Variants in PAGE3 observed in about 807,000 individuals in gnomAD.
PAGE3 encodes the protein PAGE family member 3.
A neutral mutation model predicts 3.8 loss-of-function variants in PAGE3; 9 were observed. The observed-to-expected ratio is 2.36, with a 90% CI of 1.42 to 4.12. PAGE3 has a LOEUF of 4.12. Among genes scored for constraint, PAGE3 ranks in the 30% most tolerant of loss-of-function variants. PAGE3 has a pLI of 0.00. For missense variants in PAGE3, 73 were observed against 37.8 expected (o/e 1.93, Z -2.44); for synonymous variants, 24 against 13.1 (o/e 1.83, Z -1.79).
intron 3 of PAGE3, among the ~76,000 whole-genome samples, chrX:55,262,842 T>C (rs182401641): frequency 0.025 from 2,668 of 106,091 alleles, 92 homozygotes; most frequent in African/African-American, 0.085. Context: ...ATATATAATA[T>C]ATATATGTGA....
intron 2 of PAGE3, 121 bp downstream of exon 2, chrX:55,263,699 C>A: frequency 2.3e-6 from 1 of 432,311 alleles, no homozygotes; most frequent in Non-Finnish European, 4.0e-6. Context: ...GTTTACTTCA[C>A]GAGATTCAAT....
chrX:55,263,790 A>G (rs1938341286), intron 2 of PAGE3, 30 bp downstream of exon 2: 2 of 546,969 alleles, frequency 3.7e-6, no homozygotes, highest in South Asian at 2.5e-5. Flanking sequence ...TAAGTTTCTA[A>G]TAGAAAATAT....
Position 55,263,843 on chromosome X carries a change from TA to T in PAGE3, c.60del (p.Asn21IlefsTer4). On this transcript the variant is annotated frameshift_variant, in exon 2 of 5. Transcript: ENST00000374951. LOFTEE classifies it high-confidence loss of function. ...ACAACCACAGCCCCTACTGGATGAT[TA>T]GAGTCTTGATCATCTCTTCTTTCTC... Reference protein sequence around the residue: ...RSRERRDDQDSNHPVGAVVAQ... With the variant: ...RSRERRDDQDXNHPVGAVVAQ... 1.8e-6 allele frequency: 1 copy of T among 569,354 alleles called. No individual in the cohort carries two copies. The highest frequency in any genetic ancestry group is 2.3e-5 in the South Asian group (1 of 44,366). 46.9% of individuals were successfully genotyped at this position (569,354 alleles called of 1,213,427 possible).
chrX:55,258,513 G>T lies in PAGE3; in HGVS notation c.335C>A (p.Ser112Ter). 5.3e-6 allele frequency: 3 copies of T among 564,126 alleles called. No individual in the cohort carries two copies. The highest frequency in any genetic ancestry group is 9.8e-6 in the Non-Finnish European group (3 of 306,787). 46.5% of individuals were successfully genotyped at this position (564,126 alleles called of 1,213,427 possible). Residue 112 changes from serine (S) to a stop codon, truncating the protein, a stop_gained, in exon 5 of 5, where the codon TCG becomes TAG. Coordinates refer to ENST00000374951, the MANE Select transcript of PAGE3 (RefSeq NM_001017931.3). LOFTEE classifies it high-confidence loss of function. ...KIPEAGEGQP[S>*]V The stretch of plus-strand genomic sequence containing the variant: ...GTTTCAGCTTGTCTTCATTTAAACC[G>T]ATGGTTGCCCTTCACCTATAAGATA...
chrX:55,263,995 A>G (rs1938345665), intron 1 of PAGE3, 84 bp from the exon 2 acceptor site: 1 of 458,251 alleles, frequency 2.2e-6, no homozygotes, highest in Non-Finnish European at 3.8e-6. Context: ...GAAAGCATGC[A>G]AGCTCACGAT....
At chrX:55,264,146 TGA>T (rs1938348321) in intron 1 of PAGE3, among the ~76,000 whole-genome samples, 1 of 111,511 alleles carries the variant, frequency 9.0e-6, no homozygotes, top group Admixed American at 9.6e-5. Flanking sequence ...GACTTCTCTG[TGA>T]GTTTTGGTTT....
chrX:55,262,490 T>C (rs1243005600), intron 3 of PAGE3, among the ~76,000 whole-genome samples: 1 of 110,476 alleles, frequency 9.1e-6, no homozygotes, highest in Non-Finnish European at 1.9e-5. Flanking sequence ...AGTATAGACA[T>C]TTTAGTATTA....
intron 3 of PAGE3, among the ~76,000 whole-genome samples, chrX:55,262,703 G>GATATATATAT (rs10534339): frequency 1.1e-5 from 1 of 91,075 alleles, no homozygotes; most frequent in African/African-American, 4.2e-5. Flanking sequence ...TGTTACATAT[G>GATATATATAT]ATATATATAT....
intron 4 of PAGE3, among the ~76,000 whole-genome samples, chrX:55,259,524 T>G (rs1938249267): frequency 9.0e-6 from 1 of 111,084 alleles, no homozygotes; most frequent in African/African-American, 3.2e-5. Flanking sequence ...TGTATCCACT[T>G]TTAATTATAT....
chrX:55,260,001 A>C (rs1938259380), intron 4 of PAGE3, among the ~76,000 whole-genome samples: 1 of 111,606 alleles, frequency 9.0e-6, no homozygotes, highest in South Asian at 3.7e-4. Flanking sequence ...AAGCTCATAT[A>C]ACTAATGCCT....
Position 55,263,662 on chromosome X carries a change from C to A in PAGE3, c.84+158G>T, listed in dbSNP as rs1032125168. ...TATAAAAACATAGCCATCCAGGCAACATTAGAATGCAAACATCCAAATCTA... is the reference window on the plus strand; with the variant it reads ...TATAAAAACATAGCCATCCAGGCAAAATTAGAATGCAAACATCCAAATCTA... On this transcript the variant is annotated intron_variant, in intron 2 of 4. Coordinates refer to ENST00000374951, the MANE Select transcript of PAGE3 (RefSeq NM_001017931.3). Among the ~76,000 whole-genome samples the A allele has an allele frequency of 2.7e-5, 3 of 111,976 alleles. No homozygotes were observed. In the Admixed American group the frequency reaches 2.8e-4, roughly 11 times the overall value.
intron 2 of PAGE3, 115 bp from the exon 3 acceptor site, chrX:55,263,474 T>C (rs759729918): frequency 4.6e-6 from 2 of 433,652 alleles, no homozygotes; most frequent in Non-Finnish European, 8.1e-6. Context: ...CTAAAGACAT[T>C]TTTTTCCTAC....
rs904262415 is a variant in PAGE3, at chrX:55,263,378, G to A, written c.85-19C>T. 1 of 554,509 alleles carries A rather than the reference G, an allele frequency of 1.8e-6. No individual in the cohort carries two copies. The allele number at this position is 554,509 out of a possible 1,213,427, so 45.7% of individuals were successfully genotyped here. ...CCTGGGCCTAGGAATATGAGTGCGT[G>A]TGCAAATAAAAAGGTCTGTTATTAA... is the stretch of plus-strand genomic sequence containing the variant. On this transcript the variant is annotated intron_variant, in intron 2 of 4. Coordinates refer to ENST00000374951, the MANE Select transcript of PAGE3 (RefSeq NM_001017931.3).
chrX:55,258,683 G>C (rs1240758955), intron 4 of PAGE3, among the ~76,000 whole-genome samples, 155 bp from the exon 5 acceptor site: 1 of 111,375 alleles, frequency 9.0e-6, no homozygotes, highest in Non-Finnish European at 1.9e-5. Context: ...TAGAGACTTT[G>C]AAGGTAGGCT....
chrX:55,260,880 G>T (rs1276964016), intron 3 of PAGE3, among the ~76,000 whole-genome samples: 1 of 110,970 alleles, frequency 9.0e-6, no homozygotes, highest in Non-Finnish European at 1.9e-5. Flanking sequence ...TCCCACAACT[G>T]CCCCAGACAG....
intron 4 of PAGE3, 76 bp from the exon 5 acceptor site, chrX:55,258,604 C>T: frequency 3.7e-6 from 2 of 534,419 alleles, no homozygotes; most frequent in South Asian, 2.6e-5. Flanking sequence ...TGAAAAAAGG[C>T]ATAGTTTTGG....
chrX:55,264,000 C>T lies in PAGE3; in HGVS notation c.-8-89G>A, dbSNP rs1026908249. The T allele has an allele frequency of 9.0e-6, 4 of 442,551 alleles. No homozygotes were observed. In the East Asian group the frequency reaches 1.5e-4, roughly 17 times the overall value. The allele number at this position is 442,551 out of a possible 1,213,427, so 36.5% of individuals were successfully genotyped here. A position where few individuals can be genotyped will look rare whatever the true frequency, so the allele number is the denominator to read the frequency against. Reference sequence around the variant, plus strand: ...GGCTAAATTGGAAAGCATGCAAGCTCACGATTACCCTGGGACTTAATTTTA... The same window carrying T: ...GGCTAAATTGGAAAGCATGCAAGCTTACGATTACCCTGGGACTTAATTTTA... On this transcript the variant is annotated intron_variant, in intron 1 of 4. Coordinates refer to ENST00000374951, the MANE Select transcript of PAGE3 (RefSeq NM_001017931.3).
chrX:55,258,934 T>A (rs750296617), intron 4 of PAGE3, among the ~76,000 whole-genome samples: 1 of 111,928 alleles, frequency 8.9e-6, no homozygotes, highest in South Asian at 3.7e-4. Flanking sequence ...CAAACAGTAA[T>A]GACACATTTG....
intron 4 of PAGE3, among the ~76,000 whole-genome samples, chrX:55,259,973 T>C (rs188803243): frequency 6.3e-5 from 7 of 111,330 alleles, no homozygotes; most frequent in South Asian, 3.7e-4. Flanking sequence ...AAACACTAAG[T>C]GTTTATATTA....
Sources: gnomAD v4.1 joint callset for allele counts (sites outside exome capture counted in the v4.1 genomes callset) on GRCh38, gnomAD v4.1.1 for gene constraint, MANE v1.5 for transcripts, NCBI Gene and HGNC (gene_info 2026-07-23, HGNC 2026-07-21) for gene names.